Variants in ATP10B observed in about 807,000 individuals in gnomAD.
The protein encoded by ATP10B is ATPase phospholipid transporting 10B (putative).
A neutral mutation model predicts 141.2 loss-of-function variants in ATP10B; 122 were observed. The observed-to-expected ratio is 0.86, with a 90% CI of 0.75 to 1.00. The LOEUF (loss-of-function observed/expected upper bound fraction) is 1.00. Ranked by LOEUF, ATP10B falls within the 50% of genes least tolerant of loss-of-function variation. The pLI, the probability that ATP10B is intolerant of heterozygous loss-of-function variation, is 0.00. For synonymous variants in ATP10B, 685 were observed against 692.0 expected (o/e 0.99, Z 0.16); for missense variants, 1,876 against 1,825.3 (o/e 1.03, Z -0.51).
chr5:160,637,783 G>A (rs1308870189), intron 10 of ATP10B, among the ~76,000 whole-genome samples: 1 of 152,240 alleles, frequency 6.6e-6, no homozygotes, highest in Non-Finnish European at 1.5e-5. Flanking sequence ...AGAGGATGTT[G>A]CAATGCCTAA....
At position 160,661,587 on chromosome 5, in the gene ATP10B, G is replaced by A. The variant is rs909456047; in HGVS notation, c.675+8876C>T. Among the ~76,000 whole-genome samples the A allele has an allele frequency of 2.0e-5, 3 of 152,272 alleles. No homozygotes were observed. The East Asian group carries it at 5.8e-4, about 29-fold the overall frequency. ...AAATAAGACTGGTTATAAACTGATT[G>A]TTGAAATTAAGTGATGGGTCCATAG... On this transcript the variant is annotated intron_variant, in intron 7 of 25. Coordinates refer to ENST00000327245, the MANE Select transcript of ATP10B (RefSeq NM_025153.3).
At chr5:160,583,229 G>A (rs893419821) in intron 24 of ATP10B, among the ~76,000 whole-genome samples, 5 of 152,070 alleles carry the variant, frequency 3.3e-5, no homozygotes, top group South Asian at 2.1e-4. Context: ...ATCTACCTTC[G>A]GGTCTTTGAT....
chr5:160,778,711 T>C (rs1770514231), intron 2 of ATP10B, among the ~76,000 whole-genome samples: 1 of 152,206 alleles, frequency 6.6e-6, no homozygotes, highest in Non-Finnish European at 1.5e-5. Flanking sequence ...TAAATACATA[T>C]ACACATAGTA....
intron 7 of ATP10B, among the ~76,000 whole-genome samples, chr5:160,660,819 C>T (rs991056809): frequency 4.6e-5 from 7 of 152,154 alleles, no homozygotes; most frequent in African/African-American, 1.7e-4. Context: ...GATCCTACTA[C>T]CATGTTGTAA....
intron 7 of ATP10B, among the ~76,000 whole-genome samples, chr5:160,651,875 C>T (rs573791919): frequency 3.4e-4 from 51 of 152,092 alleles, no homozygotes; most frequent in Non-Finnish European, 6.0e-4. Flanking sequence ...GATGACAAAT[C>T]ATGCTGTAAT....
At chr5:160,921,800 C>T in the ATP10B span, among the ~76,000 whole-genome samples, 1 of 152,308 alleles carries the variant, frequency 6.6e-6, no homozygotes. Context: ...TGCTGTGTGC[C>T]CAAATGACCT....
the ATP10B span, among the ~76,000 whole-genome samples, chr5:160,907,385 AT>A: frequency 6.6e-6 from 1 of 151,070 alleles, no homozygotes; most frequent in Non-Finnish European, 1.5e-5. Context: ...ATCCTATGCA[AT>A]TTTTTTTTGA....
Position 160,785,668 on chromosome 5 carries a change from C to T in ATP10B, c.-440G>A, listed in dbSNP as rs983803564. 52 of 1,287,670 alleles carry T rather than the reference C, an allele frequency of 4.0e-5. No individual in the cohort carries two copies. In the African/African-American group the frequency reaches 7.0e-4, roughly 17 times the overall value. 79.8% of individuals were successfully genotyped at this position (1,287,670 alleles called of 1,614,324 possible). A position where few individuals can be genotyped will look rare whatever the true frequency, so the allele number is the denominator to read the frequency against. On this transcript the variant is annotated 5_prime_UTR_variant, in exon 2 of 26. It removes an upstream start codon present in the reference 5' UTR. Coordinates refer to ENST00000327245, the MANE Select transcript of ATP10B (RefSeq NM_025153.3). ...CCATGTGTAAGAAATGGTAGTTTCT[C>T]ATCTTGGCAGTGGAGAGGAGTTCAT...
intron 2 of ATP10B, among the ~76,000 whole-genome samples, chr5:160,783,585 AC>A (rs1770914739): frequency 7.5e-6 from 1 of 132,972 alleles, no homozygotes; most frequent in African/African-American, 2.7e-5. Context: ...ACACACACAC[AC>A]ACACACACAC....
chr5:160,922,510 C>T, the ATP10B span, among the ~76,000 whole-genome samples: 6,138 of 152,218 alleles, frequency 0.04, 399 homozygotes, highest in African/African-American at 0.14. Flanking sequence ...ATGGTCACCA[C>T]CCAGCCAAAT....
At chr5:160,787,553 T>C (rs990024318) in intron 1 of ATP10B, among the ~76,000 whole-genome samples, 1 of 152,186 alleles carries the variant, frequency 6.6e-6, no homozygotes, top group African/African-American at 2.4e-5. Flanking sequence ...TTTTTAATTT[T>C]CTCTTATCCT....
intron 2 of ATP10B, among the ~76,000 whole-genome samples, chr5:160,725,440 C>T (rs1030770789): frequency 1.3e-5 from 2 of 152,058 alleles, no homozygotes; most frequent in African/African-American, 4.8e-5. Flanking sequence ...CTGGATACAT[C>T]ACAGGCTTAC....
chr5:160,670,730 A>G (rs1247750717), intron 6 of ATP10B, 63 bp from the exon 7 acceptor site: 17 of 1,480,858 alleles, frequency 1.1e-5, no homozygotes, highest in Non-Finnish European at 1.6e-5. Context: ...CTAATGAAAG[A>G]ATAGAGGAAG....
intron 2 of ATP10B, among the ~76,000 whole-genome samples, chr5:160,729,186 A>G (rs1328100253): frequency 7.9e-6 from 1 of 126,324 alleles, no homozygotes; most frequent in Non-Finnish European, 1.8e-5. Context: ...TGGAATGATT[A>G]AAAACTCTCT....
rs536073764 is a variant in ATP10B, at chr5:160,722,317, C to CT, written c.-330-5284dup. Among the ~76,000 whole-genome samples, 22 of 152,266 alleles carry CT rather than the reference C, an allele frequency of 1.4e-4. No homozygotes were observed. In the South Asian group the frequency reaches 4.6e-3, roughly 32 times the overall value. On this transcript the variant is annotated intron_variant, in intron 2 of 25. Coordinates refer to ENST00000327245, the MANE Select transcript of ATP10B (RefSeq NM_025153.3). Reference sequence around the variant, plus strand: ...ATTAAAGACGAAATAATGAATATAACTCATTTCCCCTTCTCCCATCTAAAA... The same window carrying CT: ...ATTAAAGACGAAATAATGAATATAACTTCATTTCCCCTTCTCCCATCTAAAA...
chr5:160,759,458 A>G (rs1242874707), intron 2 of ATP10B, among the ~76,000 whole-genome samples: 5 of 152,234 alleles, frequency 3.3e-5, no homozygotes, highest in African/African-American at 9.6e-5. Context: ...TGATGTGTCT[A>G]TAATTATCAT....
At chr5:160,759,637 C>T (rs1055473895) in intron 2 of ATP10B, among the ~76,000 whole-genome samples, 1 of 152,142 alleles carries the variant, frequency 6.6e-6, no homozygotes, top group Non-Finnish European at 1.5e-5. Flanking sequence ...TGGCAATAGG[C>T]TGTATAGGAA....
intron 3 of ATP10B, among the ~76,000 whole-genome samples, chr5:160,708,914 C>T (rs1038267370): frequency 6.6e-6 from 1 of 152,098 alleles, no homozygotes; most frequent in African/African-American, 2.4e-5. Context: ...TGTATATTGG[C>T]ACCATGATAG....
chr5:160,669,464 C>T (rs1016441269), intron 7 of ATP10B, among the ~76,000 whole-genome samples: 1 of 151,990 alleles, frequency 6.6e-6, no homozygotes, highest in African/African-American at 2.4e-5. Context: ...TCAGTCAGAC[C>T]CCAGAGCCAG....
Sources: gnomAD v4.1 joint callset for allele counts (sites outside exome capture counted in the v4.1 genomes callset) on GRCh38, gnomAD v4.1.1 for gene constraint, MANE v1.5 for transcripts, NCBI Gene and HGNC (gene_info 2026-07-23, HGNC 2026-07-21) for gene names.